The following CIB1 variants were observed in gnomAD, a reference collection of about 807,000 sequenced individuals.
The protein encoded by CIB1 is calcium and integrin binding 1.
CIB1 carries 19 observed loss-of-function variants against 25.0 expected under a neutral mutation model. That is an observed-to-expected ratio of 0.76 (90% CI 0.53 to 1.12). The LOEUF (loss-of-function observed/expected upper bound fraction) is 1.12. Ranked by LOEUF, CIB1 falls within the 50% of genes most tolerant of loss-of-function variation. The pLI, the probability that CIB1 is intolerant of heterozygous loss-of-function variation, is 0.00. For synonymous variants in CIB1, 104 were observed against 98.5 expected (o/e 1.06, Z -0.33); for missense variants, 236 against 242.6 (o/e 0.97, Z 0.18).
the CIB1 span, chr15:90,242,096 TC>T: frequency 1.3e-6 from 2 of 1,548,114 alleles, no homozygotes; most frequent in South Asian, 2.4e-5. Flanking sequence ...GTTCTTTTTT[TC>T]TTTTCTTTTG....
At chr15:90,259,016 A>G in the CIB1 span, 1 of 1,600,198 alleles carries the variant, frequency 6.2e-7, no homozygotes, top group Non-Finnish European at 8.5e-7. Flanking sequence ...CCTGGGGCTG[A>G]TTTGCTATCA....
At chr15:90,250,570 G>A in the CIB1 span, 2 of 1,551,784 alleles carry the variant, frequency 1.3e-6, no homozygotes, top group Non-Finnish European at 1.7e-6. Context: ...AGGGCCTGAG[G>A]GAGGTCTGAG....
chr15:90,256,144 T>G, the CIB1 span: 1 of 1,614,168 alleles, frequency 6.2e-7, no homozygotes, highest in East Asian at 2.2e-5. Context: ...CACATAGCTA[T>G]GGGGACTTCC....
chr15:90,231,045 C>G, intron 5 of CIB1, 23 bp from the exon 6 acceptor site: 1 of 1,613,392 alleles, frequency 6.2e-7, no homozygotes. Flanking sequence ...GAGTTTCAGG[C>G]CAGAGCCCCA....
the CIB1 span, among the ~76,000 whole-genome samples, chr15:90,252,850 A>C: frequency 6.6e-6 from 1 of 152,100 alleles, no homozygotes; most frequent in African/African-American, 2.4e-5. Context: ...TAAAAATACA[A>C]AAATTACCCA....
In CIB1 at chr15:90,230,220, A is replaced by C; in HGVS notation, c.*264T>G. On this transcript the variant is annotated 3_prime_UTR_variant, in exon 7 of 7. Coordinates refer to ENST00000328649, the MANE Select transcript of CIB1 (RefSeq NM_006384.4). ...TAGAAGAGAAGTCCAGTCCTTCCTC[A>C]TACCAGTGTATCTCATGTCACACAT... 3.7e-6 allele frequency: 2 copies of C among 539,502 alleles called. No homozygotes were observed. The highest frequency in any genetic ancestry group is 3.1e-5 in the East Asian group (1 of 31,800). 33.4% of individuals were successfully genotyped at this position (539,502 alleles called of 1,614,324 possible).
the CIB1 span, among the ~76,000 whole-genome samples, chr15:90,247,235 A>G: frequency 6.7e-6 from 1 of 150,294 alleles, no homozygotes; most frequent in Non-Finnish European, 1.5e-5. Flanking sequence ...CAGCCTCCCA[A>G]AGTGCTGGGA....
At chr15:90,255,972 C>T in the CIB1 span, 28 of 1,595,250 alleles carry the variant, frequency 1.8e-5, no homozygotes, top group Non-Finnish European at 2.3e-5. Flanking sequence ...CTAGGAATGT[C>T]TCAGAGGGAT....
chr15:90,243,943 GT>G, the CIB1 span: 8,528 of 137,960 alleles, frequency 0.062, 816 homozygotes, highest in African/African-American at 0.21. Flanking sequence ...CCTGGCCTGA[GT>G]TTTTTTTTTT....
the CIB1 span, among the ~76,000 whole-genome samples, chr15:90,256,562 TTTCTTTCTTTCTTTC>T: frequency 2.3e-5 from 1 of 43,438 alleles, no homozygotes. Flanking sequence ...TCTTTCTTTC[TTTCTTTCTTTCTTTC>T]TTTCTTTCTT....
the CIB1 span, chr15:90,262,966 C>G: frequency 1.3e-6 from 2 of 1,535,354 alleles, no homozygotes; most frequent in South Asian, 1.2e-5. Context: ...TACCTTGTAG[C>G]TGCTGCCGGG....
chr15:90,230,898 G>T, intron 6 of CIB1, 36 bp downstream of exon 6: 1 of 1,566,094 alleles, frequency 6.4e-7, no homozygotes, highest in Non-Finnish European at 8.8e-7. Flanking sequence ...GTCGGAACCT[G>T]CAGGTACCCA....
At chr15:90,236,235 TC>T (rs1210861917), upstream of CIB1, 19 of 152,046 alleles carry the variant, frequency 1.2e-4, no homozygotes, top group Admixed American at 1.1e-3. Context: ...ACGGGGTTTC[TC>T]CATGTTGGTC....
chr15:90,242,092 T>C, the CIB1 span: 1 of 1,558,944 alleles, frequency 6.4e-7, no homozygotes, highest in South Asian at 1.2e-5. Flanking sequence ...TTATGTTCTT[T>C]TTTTCTTTTC....
chr15:90,241,498 T>C, the CIB1 span: 2 of 1,613,814 alleles, frequency 1.2e-6, no homozygotes, highest in African/African-American at 1.3e-5. Context: ...CTGCTGAGCT[T>C]ACACCCGGGC....
At chr15:90,239,872 A>G in the CIB1 span, among the ~76,000 whole-genome samples, 2 of 152,046 alleles carry the variant, frequency 1.3e-5, no homozygotes, top group African/African-American at 2.4e-5. Context: ...CTTCAGGGAG[A>G]CATGTATGCA....
the CIB1 span, among the ~76,000 whole-genome samples, chr15:90,249,130 G>A: frequency 6.7e-6 from 1 of 149,020 alleles, no homozygotes; most frequent in Non-Finnish European, 1.5e-5. Context: ...AGGATTGCTT[G>A]AGCCCAGGAG....
At chr15:90,241,478 T>G in the CIB1 span, 1 of 1,613,792 alleles carries the variant, frequency 6.2e-7, no homozygotes, top group Non-Finnish European at 8.5e-7. Flanking sequence ...GGGCAGGGAT[T>G]GAGGCTGTGC....
At chr15:90,239,095 C>A in the CIB1 span, among the ~76,000 whole-genome samples, 21 of 152,176 alleles carry the variant, frequency 1.4e-4, no homozygotes, top group South Asian at 1.2e-3. Flanking sequence ...TAGAATGAAA[C>A]TAGCTACAAC....
Sources: allele counts gnomAD v4.1 joint callset (sites outside exome capture counted in the v4.1 genomes callset), GRCh38; gene constraint gnomAD v4.1.1; transcripts MANE v1.5; gene names NCBI Gene and HGNC (gene_info 2026-07-23, HGNC 2026-07-21).